CCDC13: variants seen among roughly 807,000 people sequenced by gnomAD.
CCDC13 encodes coiled-coil domain-containing protein 13.
A neutral mutation model predicts 87.3 loss-of-function variants in CCDC13; 70 were observed. The observed-to-expected ratio is 0.80, with a 90% CI of 0.66 to 0.98. The LOEUF (loss-of-function observed/expected upper bound fraction) is 0.98, where lower values mean the gene tolerates loss of function less well. Ranked by LOEUF, CCDC13 falls within the 50% of genes least tolerant of loss-of-function variation. The pLI is 0.00. For synonymous variants in CCDC13, 317 were observed against 360.3 expected (o/e 0.88, Z 1.36); for missense variants, 842 against 892.0 (o/e 0.94, Z 0.71).
Position 42,746,069 on chromosome 3 carries a change from C to T in CCDC13, c.721-42G>A, listed in dbSNP as rs751294564. The stretch of plus-strand genomic sequence containing the variant: ...CCTTCAATGTGGCCAAAAGAGAGGG[C>T]TCCACCAGACCCTGATGCTGCTACG... On this transcript the variant is annotated intron_variant, in intron 6 of 15. Transcript: ENST00000310232. 20 of 1,406,558 alleles carry T rather than the reference C, an allele frequency of 1.4e-5. No individual in the cohort carries two copies. The South Asian group carries it at 1.5e-4, about 11-fold the overall frequency. 87.1% of individuals were successfully genotyped at this position (1,406,558 alleles called of 1,614,324 possible).
intron 1 of CCDC13, among the ~76,000 whole-genome samples, chr3:42,761,096 C>T (rs1699822622): frequency 6.6e-6 from 1 of 152,116 alleles, no homozygotes; most frequent in South Asian, 2.1e-4. Context: ...TTAAATGCTC[C>T]CCTCACGATT....
intron 8 of CCDC13, 111 bp downstream of exon 8, chr3:42,742,785 C>T (rs1335117705): frequency 7.2e-7 from 1 of 1,391,762 alleles, no homozygotes; most frequent in African/African-American, 1.4e-5. Context: ...GTGTCTCCTG[C>T]CTAGAAGGGG....
chr3:42,736,819 C>T (rs1699037208), intron 9 of CCDC13, among the ~76,000 whole-genome samples: 1 of 152,098 alleles, frequency 6.6e-6, no homozygotes, highest in Non-Finnish European at 1.5e-5. Context: ...GAATCTGACA[C>T]CAAACTTTGG....
chr3:42,732,380 C>T (rs11129970), intron 12 of CCDC13, among the ~76,000 whole-genome samples: 35,296 of 152,030 alleles, frequency 0.23, 4,363 homozygotes, highest in Non-Finnish European at 0.28. Flanking sequence ...AGGAGCATGG[C>T]TCCAGTGGAC....
Position 42,735,720 on chromosome 3 carries a change from T to A in CCDC13, c.1358A>T (p.Gln453Leu). ...KVRQLEMEIG[Q>L]LNVHYLRNKG... The stretch of plus-strand genomic sequence containing the variant: ...TGCCCTACTCACGTGCACATTGAGT[T>A]GTCCGATCTCCATCTCCAGCTGTCG... The change falls in exon 10 of 16, where the codon CAA becomes CTA. Residue 453 changes from glutamine to leucine, a missense_variant. Gln to Leu is a moderately radical substitution (Grantham distance 113, BLOSUM62 -2). Coordinates refer to ENST00000310232, the MANE Select transcript of CCDC13 (RefSeq NM_144719.4). The A allele has an allele frequency of 6.2e-7, 1 of 1,614,162 alleles. No individual in the cohort carries two copies. Among genetic ancestry groups the A allele is most frequent in the South Asian group, 1.1e-5 (1 of 91,090 alleles).
chr3:42,764,191 T>G (rs1699888866), intron 1 of CCDC13, among the ~76,000 whole-genome samples: 2 of 152,172 alleles, frequency 1.3e-5, no homozygotes, highest in African/African-American at 2.4e-5. Flanking sequence ...TTATCAGACT[T>G]AAGGTCTGTG....
At chr3:42,742,232 G>T (rs757858023) in intron 8 of CCDC13, among the ~76,000 whole-genome samples, 1 of 152,216 alleles carries the variant, frequency 6.6e-6, no homozygotes, top group Non-Finnish European at 1.5e-5. Context: ...CTAGACCAAA[G>T]ACACTCAATT....
chr3:42,731,130 C>A (rs1698818744), intron 12 of CCDC13, among the ~76,000 whole-genome samples: 1 of 152,188 alleles, frequency 6.6e-6, no homozygotes, highest in Non-Finnish European at 1.5e-5. Flanking sequence ...CTGGCTGGAG[C>A]CAGGACAGAA....
Position 42,707,796 on chromosome 3 carries a change from G to A in CCDC13, c.*1184C>T, listed in dbSNP as rs1313681227. 6.6e-6 allele frequency among the ~76,000 whole-genome samples: 1 copy of A among 152,246 alleles called. No individual in the cohort carries two copies. ...GTTGCATGCTCCTGAATTGAGGTAT[G>A]TGTGTGCATCTGCATCTTTGTGTGG... On this transcript the variant is annotated 3_prime_UTR_variant, in exon 16 of 16. Coordinates refer to ENST00000310232, the MANE Select transcript of CCDC13 (RefSeq NM_144719.4).
chr3:42,761,920 C>T (rs900322228), intron 1 of CCDC13, among the ~76,000 whole-genome samples: 1 of 152,230 alleles, frequency 6.6e-6, no homozygotes, highest in East Asian at 1.9e-4. Context: ...GAGGAATACT[C>T]TACCTACCCA....
intron 15 of CCDC13, 120 bp from the exon 16 acceptor site, chr3:42,709,259 T>A: frequency 2.0e-6 from 2 of 1,017,408 alleles, no homozygotes; most frequent in Non-Finnish European, 2.8e-6. Flanking sequence ...GGCTTCCCTC[T>A]GACCCATCCC....
At chr3:42,770,605 C>G (rs971545709) in intron 1 of CCDC13, 7 of 152,394 alleles carry the variant, frequency 4.6e-5, no homozygotes, top group African/African-American at 1.7e-4. Flanking sequence ...GCAGTGGCAA[C>G]CTGCTGAGGT....
chr3:42,751,815 G>GGCA, intron 5 of CCDC13, 121 bp downstream of exon 5: 1 of 789,000 alleles, frequency 1.3e-6, no homozygotes, highest in Non-Finnish European at 2.1e-6. Flanking sequence ...CACCTGGCTC[G>GGCA]GCAGCGGGGT....
At chr3:42,770,594 A>G (rs1038464681) in intron 1 of CCDC13, 5 of 152,282 alleles carry the variant, frequency 3.3e-5, no homozygotes, top group Admixed American at 1.3e-4. Flanking sequence ...TGCCCCAGGC[A>G]GCAGTGGCAA....
chr3:42,709,536 T>C, intron 15 of CCDC13, 148 bp downstream of exon 15: 1 of 663,800 alleles, frequency 1.5e-6, no homozygotes, highest in East Asian at 2.7e-5. Context: ...AGTCCCTGAA[T>C]TGCAGGCCTA....
chr3:42,754,286 G>T (rs914538750), intron 3 of CCDC13, among the ~76,000 whole-genome samples: 12 of 152,134 alleles, frequency 7.9e-5, no homozygotes, highest in Non-Finnish European at 1.5e-4. Context: ...AGGAGTAGCT[G>T]CCCTTGGAAT....
At chr3:42,711,246 C>CAAAAAAAAAAAAAAAAAAAAAAAAA (rs1174084143) in intron 14 of CCDC13, among the ~76,000 whole-genome samples, 7 of 75,326 alleles carry the variant, frequency 9.3e-5, no homozygotes, top group African/African-American at 3.9e-4. Context: ...ACTCTGTCTC[C>CAAAAAAAAAAAAAAAAAAAAAAAAA]AAAAAAAAAA....
chr3:42,759,843 T>TA (rs35354799), intron 1 of CCDC13, among the ~76,000 whole-genome samples: 7,124 of 152,260 alleles, frequency 0.047, 580 homozygotes, highest in African/African-American at 0.16. Flanking sequence ...GCTTATATGG[T>TA]AATTTATGTT....
intron 11 of CCDC13, 133 bp downstream of exon 11, chr3:42,733,337 C>G (rs557422787): frequency 2.7e-6 from 3 of 1,123,052 alleles, no homozygotes; most frequent in Non-Finnish European, 4.0e-6. Context: ...GAGAGGCCCA[C>G]GTATTGGAAG....
Sources: gnomAD v4.1 joint callset for allele counts (sites outside exome capture counted in the v4.1 genomes callset) on GRCh38, gnomAD v4.1.1 for gene constraint, MANE v1.5 for transcripts, NCBI Gene and HGNC (gene_info 2026-07-23, HGNC 2026-07-21) for gene names.